NEBL: variants seen among roughly 807,000 people sequenced by gnomAD.
The protein encoded by NEBL is nebulette.
A neutral mutation model predicts 140.2 loss-of-function variants in NEBL; 122 were observed. That is an observed-to-expected ratio of 0.87 (90% CI 0.75 to 1.01). NEBL has a LOEUF of 1.01. Among genes scored for constraint, NEBL ranks in the 50% least tolerant of loss-of-function variants. NEBL has a pLI of 0.00. For synonymous variants in NEBL, 436 were observed against 398.9 expected (o/e 1.09, Z -1.11); for missense variants, 1,365 against 1,231.3 (o/e 1.11, Z -1.62).
chr10:21,197,454 G>C (rs1291107379), intron 3 of NEBL, among the ~76,000 whole-genome samples: 1 of 152,210 alleles, frequency 6.6e-6, no homozygotes, highest in African/African-American at 2.4e-5. Context: ...CTCAAATAGA[G>C]AAGGGGGCTG....
chr10:20,984,988 A>T (rs557231926), intron 3 of NEBL, among the ~76,000 whole-genome samples: 1 of 152,164 alleles, frequency 6.6e-6, no homozygotes, highest in Non-Finnish European at 1.5e-5. Flanking sequence ...TGCTCTCATG[A>T]TGATTTGTCA....
At chr10:21,267,791 T>C (rs1424114356) in intron 1 of NEBL, among the ~76,000 whole-genome samples, 2 of 152,234 alleles carry the variant, frequency 1.3e-5, no homozygotes, top group Non-Finnish European at 2.9e-5. Context: ...TGTTCGTCAG[T>C]TGTACTGGCC....
chr10:20,964,473 G>A (rs959079011), intron 3 of NEBL, among the ~76,000 whole-genome samples: 6 of 152,140 alleles, frequency 3.9e-5, no homozygotes, highest in African/African-American at 9.7e-5. Context: ...GGGAGCCAGC[G>A]TGTCACATGG....
intron 2 of NEBL, among the ~76,000 whole-genome samples, chr10:21,131,682 G>T (rs1286850284): frequency 8.1e-6 from 1 of 123,724 alleles, no homozygotes; most frequent in Admixed American, 7.6e-5. Context: ...TCATGACATA[G>T]AACACTGCTT....
rs1367210165 is a variant in NEBL, at chr10:20,808,613, G to C, written c.2658C>G (p.Ser886Arg). Reference sequence around the variant, plus strand: ...CTCCGAGACCTGTACCGAAAGTACTGCTGGAATGGGATCGAGACCAGTGTC... The same window carrying C: ...CTCCGAGACCTGTACCGAAAGTACTCCTGGAATGGGATCGAGACCAGTGTC... Reference protein sequence around the residue: ...YRRHWSRSHSSSTFGTGLGDD... With the variant: ...YRRHWSRSHSRSTFGTGLGDD... Residue 886 changes from serine (S) to arginine (R), a missense_variant, in exon 26 of 28, where the codon AGC (serine) becomes AGG (arginine). Transcript: ENST00000377122. The C allele has an allele frequency of 1.2e-6, 2 of 1,613,354 alleles. No individual in the cohort carries two copies. Among genetic ancestry groups the C allele is most frequent in the Non-Finnish European group, 1.7e-6 (2 of 1,179,350 alleles).
chr10:20,793,436 G>A, intron 26 of NEBL: 2 of 797,274 alleles, frequency 2.5e-6, no homozygotes, highest in Non-Finnish European at 3.0e-6. Context: ...GTTACTTGCA[G>A]TGTTTTCAAC....
intron 2 of NEBL, among the ~76,000 whole-genome samples, chr10:21,064,707 A>G (rs1019731680): frequency 3.9e-5 from 6 of 152,218 alleles, no homozygotes; most frequent in Non-Finnish European, 5.9e-5. Flanking sequence ...TATCAAAATG[A>G]AACAATTAAC....
At chr10:21,073,454 T>TA (rs1835912068) in intron 2 of NEBL, among the ~76,000 whole-genome samples, 1 of 151,222 alleles carries the variant, frequency 6.6e-6, no homozygotes, top group South Asian at 2.1e-4. Context: ...CCATCTCTAC[T>TA]AAAAACACAA....
chr10:20,985,751 A>G (rs894111353), intron 3 of NEBL, among the ~76,000 whole-genome samples: 1 of 152,128 alleles, frequency 6.6e-6, no homozygotes, highest in Non-Finnish European at 1.5e-5. Flanking sequence ...CAGGATGGAG[A>G]GTAGCTCTGT....
intron 1 of NEBL, among the ~76,000 whole-genome samples, chr10:21,281,423 A>G (rs919932697): frequency 6.6e-6 from 1 of 150,458 alleles, no homozygotes; most frequent in Non-Finnish European, 1.5e-5. Flanking sequence ...CAGCCTCCCA[A>G]CTCGCTGGGA....
At chr10:20,963,379 A>G (rs985852867) in intron 3 of NEBL, among the ~76,000 whole-genome samples, 24 of 152,206 alleles carry the variant, frequency 1.6e-4, no homozygotes, top group Non-Finnish European at 1.6e-4. Flanking sequence ...GAATAGCAAC[A>G]GGCATGAAGA....
intron 3 of NEBL, among the ~76,000 whole-genome samples, chr10:21,220,326 A>G (rs1427510112): frequency 1.4e-4 from 22 of 152,200 alleles, no homozygotes; most frequent in Non-Finnish European, 1.5e-5. Flanking sequence ...CAGAGCAGAG[A>G]GCTCACAGAT....
At chr10:21,066,452 T>C (rs536472148) in intron 2 of NEBL, among the ~76,000 whole-genome samples, 1 of 152,304 alleles carries the variant, frequency 6.6e-6, no homozygotes, top group East Asian at 1.9e-4. Flanking sequence ...AAACAAAATG[T>C]AGTGAGTACA....
intron 2 of NEBL, among the ~76,000 whole-genome samples, chr10:21,097,222 G>C (rs969205439): frequency 3.4e-5 from 5 of 148,458 alleles, no homozygotes; most frequent in African/African-American, 5.0e-5. Context: ...GGAGGTCCGG[G>C]GGGGGGGTGG....
intron 3 of NEBL, among the ~76,000 whole-genome samples, chr10:21,231,643 GA>G (rs59097579): frequency 0.12 from 18,281 of 152,146 alleles, 1,295 homozygotes; most frequent in South Asian, 0.23. Flanking sequence ...AACATCAGAG[GA>G]AGGTACAGTG....
chr10:20,819,100 G>A, intron 20 of NEBL: 1 of 1,015,374 alleles, frequency 9.8e-7, no homozygotes, highest in South Asian at 2.6e-5. Flanking sequence ...CGGTACATGT[G>A]CAGGTTTGTT....
In NEBL at chr10:20,835,718, T is replaced by C. The variant is rs1840824634; in HGVS notation, c.1339-95A>G. ...TAAAAAAAAAATAGTTAGACATATT[T>C]TACAAAAGAGGTAACAAAGCTCCTT... On this transcript the variant is annotated intron_variant, in intron 13 of 27. Coordinates refer to ENST00000377122, the MANE Select transcript of NEBL (RefSeq NM_006393.3). 19 of 891,180 alleles carry C rather than the reference T, an allele frequency of 2.1e-5. No individual in the cohort carries two copies. In the South Asian group the frequency reaches 2.4e-4, roughly 11 times the overall value. 55.2% of individuals were successfully genotyped at this position (891,180 alleles called of 1,614,324 possible). A position where few individuals can be genotyped will look rare whatever the true frequency, so the allele number is the denominator to read the frequency against.
intron 10 of NEBL, among the ~76,000 whole-genome samples, 167 bp downstream of exon 10, chr10:20,852,378 C>T (rs933551388): frequency 5.3e-5 from 8 of 152,170 alleles, no homozygotes; most frequent in African/African-American, 1.9e-4. Context: ...AATACCTACA[C>T]AGCAAATAGT....
At chr10:20,976,717 A>G (rs1165808936) in intron 3 of NEBL, among the ~76,000 whole-genome samples, 1 of 152,114 alleles carries the variant, frequency 6.6e-6, no homozygotes, top group Non-Finnish European at 1.5e-5. Context: ...GGAGCTAAAC[A>G]TTGAGAACAC....
Sources: gnomAD v4.1 joint callset for allele counts (sites outside exome capture counted in the v4.1 genomes callset) on GRCh38, gnomAD v4.1.1 for gene constraint, MANE v1.5 for transcripts, NCBI Gene and HGNC (gene_info 2026-07-23, HGNC 2026-07-21) for gene names.